FILIP1L: variants seen among roughly 807,000 people sequenced by gnomAD.
The protein encoded by FILIP1L is filamin A-interacting protein 1-like.
Under a neutral mutation model 96.6 loss-of-function variants are expected in FILIP1L, and 55 were observed. The ratio of observed to expected loss-of-function variants is 0.57; its 90% CI spans 0.46 to 0.71. The LOEUF (loss-of-function observed/expected upper bound fraction) is 0.71, where lower values mean the gene tolerates loss of function less well. FILIP1L is among the 30% of genes least tolerant of loss of function. The probability of loss-of-function intolerance (pLI) is 0.00; values close to 1 mark genes in which losing one functional copy is unlikely to be tolerated. For synonymous variants in FILIP1L, 467 were observed against 473.9 expected (o/e 0.99, Z 0.19); for missense variants, 1,304 against 1,321.2 (o/e 0.99, Z 0.20).
At chr3:99,844,933 C>A (rs558091784) in intron 5 of FILIP1L, among the ~76,000 whole-genome samples, 1 of 152,120 alleles carries the variant, frequency 6.6e-6, no homozygotes, top group Admixed American at 6.5e-5. Flanking sequence ...GAGGCCTCCC[C>A]CAGCCATGAG....
In FILIP1L at chr3:99,850,135, G is replaced by T. The variant is rs922119415; in HGVS notation, c.1541C>A (p.Thr514Asn). The stretch of plus-strand genomic sequence containing the variant: ...AGAAGCAGCTTGTAATTTATCTTCA[G>T]TTTTCTTTAATTTTTCACTCATTGT... ...RKTMSEKLKK[T>N]EDKLQAASSQ... Residue 514 changes from threonine to asparagine, a missense_variant, in exon 5 of 6, where the codon ACT becomes AAT. Coordinates refer to ENST00000477258, the MANE Select transcript of FILIP1L (RefSeq NM_001387850.1). 4 of 1,611,754 alleles carry T rather than the reference G, an allele frequency of 2.5e-6. No homozygotes were observed. The highest frequency in any genetic ancestry group is 3.4e-6 in the Non-Finnish European group (4 of 1,179,598).
chr3:100,082,688 C>T (rs891808579), intron 1 of FILIP1L, among the ~76,000 whole-genome samples: 2 of 152,136 alleles, frequency 1.3e-5, no homozygotes, highest in Non-Finnish European at 2.9e-5. Flanking sequence ...TTTAGGAAGC[C>T]TTTATAGATG....
intron 1 of FILIP1L, among the ~76,000 whole-genome samples, chr3:100,093,049 T>C (rs981977152): frequency 3.3e-5 from 5 of 152,228 alleles, no homozygotes; most frequent in Admixed American, 3.3e-4. Context: ...TAGAGGTTAC[T>C]AGATAACTGC....
intron 1 of FILIP1L, among the ~76,000 whole-genome samples, chr3:100,097,577 T>C (rs1455795780): frequency 6.6e-6 from 1 of 152,212 alleles, no homozygotes. Context: ...TACAAGCCTA[T>C]ATATATACAT....
chr3:99,980,032 A>G (rs1409224029), intron 1 of FILIP1L, among the ~76,000 whole-genome samples: 1 of 151,896 alleles, frequency 6.6e-6, no homozygotes, highest in Non-Finnish European at 1.5e-5. Flanking sequence ...CACTGGGGGG[A>G]AAGAATTCTA....
chr3:99,837,337 T>C (rs1487606142), intron 5 of FILIP1L, among the ~76,000 whole-genome samples: 1 of 151,924 alleles, frequency 6.6e-6, no homozygotes, highest in East Asian at 1.9e-4. Flanking sequence ...TTTCTGAGGC[T>C]TCAAAAGTGA....
At chr3:99,851,313 G>A (rs557158756) in intron 4 of FILIP1L, among the ~76,000 whole-genome samples, 10 of 152,278 alleles carry the variant, frequency 6.6e-5, no homozygotes, top group African/African-American at 2.4e-4. Flanking sequence ...TAGTAAAAGA[G>A]TAAGGGCAAG....
intron 1 of FILIP1L, among the ~76,000 whole-genome samples, chr3:99,972,831 G>A (rs887593549): frequency 6.6e-6 from 1 of 152,224 alleles, no homozygotes; most frequent in Non-Finnish European, 1.5e-5. Context: ...CTTGGCATCT[G>A]TCTGATGCAG....
intron 1 of FILIP1L, among the ~76,000 whole-genome samples, chr3:99,973,435 T>C (rs1708880202): frequency 1.3e-5 from 2 of 152,204 alleles, no homozygotes. Flanking sequence ...CACATATTCA[T>C]ATAAAATAGA....
intron 4 of FILIP1L, among the ~76,000 whole-genome samples, chr3:99,896,482 A>G (rs1426902736): frequency 6.6e-6 from 1 of 152,162 alleles, no homozygotes; most frequent in East Asian, 1.9e-4. Flanking sequence ...TAGTCACCTT[A>G]AGCTACTGAG....
chr3:99,880,075 G>A lies in FILIP1L; in HGVS notation c.606-29005C>T, dbSNP rs116360596. Reference sequence around the variant, plus strand: ...ATCCGATCCTGTGCTTCTACTCTCCGATCCCTTCTCCTCTGCTGCTACACA... The same window carrying A: ...ATCCGATCCTGTGCTTCTACTCTCCAATCCCTTCTCCTCTGCTGCTACACA... On this transcript the variant is annotated intron_variant, in intron 4 of 5. Transcript: ENST00000477258. Among the ~76,000 whole-genome samples, 313 of 152,198 alleles carry A rather than the reference G, an allele frequency of 2.1e-3. 3 individuals carry two copies. Among genetic ancestry groups the A allele is most frequent in the African/African-American group, 7.2e-3 (299 of 41,512 alleles).
At chr3:100,054,500 A>T (rs972962479) in intron 1 of FILIP1L, among the ~76,000 whole-genome samples, 1 of 131,168 alleles carries the variant, frequency 7.6e-6, no homozygotes, top group South Asian at 2.7e-4. Context: ...TTGTTATGTT[A>T]TGTTATGTTA....
intron 1 of FILIP1L, among the ~76,000 whole-genome samples, chr3:100,062,313 G>A (rs918717583): frequency 2.6e-4 from 40 of 151,542 alleles, no homozygotes; most frequent in African/African-American, 3.9e-4. Context: ...AGGTTTCACC[G>A]TGTTAGCCAG....
At chr3:99,970,276 C>A (rs1559708257) in intron 1 of FILIP1L, among the ~76,000 whole-genome samples, 1 of 152,244 alleles carries the variant, frequency 6.6e-6, no homozygotes, top group Non-Finnish European at 1.5e-5. Context: ...CCCAGGCAGT[C>A]TGGCTTTAGA....
At chr3:99,899,768 G>T (rs1474457257) in intron 4 of FILIP1L, among the ~76,000 whole-genome samples, 1 of 152,174 alleles carries the variant, frequency 6.6e-6, no homozygotes, top group Admixed American at 6.5e-5. Context: ...TGATGAACCA[G>T]ACTCCCTGGG....
At chr3:99,855,945 C>T (rs1943940612) in intron 4 of FILIP1L, among the ~76,000 whole-genome samples, 1 of 152,186 alleles carries the variant, frequency 6.6e-6, no homozygotes, top group Admixed American at 6.5e-5. Flanking sequence ...CATTTTTCAA[C>T]CTAACGAAAT....
intron 1 of FILIP1L, among the ~76,000 whole-genome samples, chr3:99,968,570 T>C (rs2107713596): frequency 6.6e-6 from 1 of 152,072 alleles, no homozygotes; most frequent in East Asian, 1.9e-4. Flanking sequence ...CAGTGGTGTT[T>C]AAAATCAAGA....
chr3:99,982,470 G>A (rs962007629), intron 1 of FILIP1L, among the ~76,000 whole-genome samples: 8 of 151,882 alleles, frequency 5.3e-5, no homozygotes, highest in African/African-American at 1.9e-4. Context: ...CCTCCTGAAT[G>A]GCTGGGACTA....
intron 1 of FILIP1L, among the ~76,000 whole-genome samples, chr3:100,008,717 G>A (rs116412633): frequency 0.012 from 1,778 of 152,254 alleles, 22 homozygotes; most frequent in African/African-American, 0.026. Context: ...GCATATGTTT[G>A]CTAGCCTTGC....
Sources: gnomAD v4.1 joint callset for allele counts (sites outside exome capture counted in the v4.1 genomes callset) on GRCh38, gnomAD v4.1.1 for gene constraint, MANE v1.5 for transcripts, NCBI Gene and HGNC (gene_info 2026-07-23, HGNC 2026-07-21) for gene names.